Variants in RHOT2 observed in about 807,000 individuals in gnomAD.
RHOT2 encodes ras homolog family member T2.
RHOT2 carries 90 observed loss-of-function variants against 81.6 expected under a neutral mutation model. The ratio of observed to expected loss-of-function variants is 1.10; its 90% CI spans 0.93 to 1.31. RHOT2 has a LOEUF of 1.31. RHOT2 is among the 40% of genes most tolerant of loss of function. RHOT2 has a pLI of 0.00. For missense variants in RHOT2, 1,014 were observed against 841.9 expected (o/e 1.20, Z -2.53); for synonymous variants, 512 against 370.9 (o/e 1.38, Z -4.37).
chr16:672,374 G>A lies in RHOT2; in HGVS notation c.1316G>A (p.Arg439His), dbSNP rs146501820. Residue 439 changes from arginine to histidine, a missense_variant, in exon 15 of 19, where the codon CGC (arginine) becomes CAC (histidine). Transcript: ENST00000315082. Reference protein sequence around the residue: ...KSAFLQAFLGRGLGHQDTREQ... With the variant: ...KSAFLQAFLGHGLGHQDTREQ... ...GCCTTCCTGCAGGCCTTTCTCGGCCGCGGCCTGGGGGTAAGCACCCTAGAC... is the reference window on the plus strand; with the variant it reads ...GCCTTCCTGCAGGCCTTTCTCGGCCACGGCCTGGGGGTAAGCACCCTAGAC... 3.7e-5 allele frequency: 60 copies of A among 1,609,966 alleles called. No homozygotes were observed. Among genetic ancestry groups the A allele is most frequent in the South Asian group, 5.5e-5 (5 of 90,788 alleles).
rs1045729 is a variant in RHOT2, at chr16:673,838, C to T, written c.*232C>T. On this transcript the variant is annotated 3_prime_UTR_variant, in exon 19 of 19. Coordinates refer to ENST00000315082, the MANE Select transcript of RHOT2 (RefSeq NM_138769.3). The stretch of plus-strand genomic sequence containing the variant: ...GCCGTGGCAGGTGGCTGAGCAGGAG[C>T]TCCCAAGTGCCGGCCACCGCTGTCA... The T allele has an allele frequency of 1.6e-6, 1 of 624,920 alleles. No individual in the cohort carries two copies. Among genetic ancestry groups the T allele is most frequent in the Non-Finnish European group, 2.8e-6 (1 of 352,128 alleles). 38.7% of individuals were successfully genotyped at this position (624,920 alleles called of 1,614,324 possible). A position where few individuals can be genotyped will look rare whatever the true frequency, so the allele number is the denominator to read the frequency against.
chr16:671,268 C>G, intron 11 of RHOT2, 65 bp downstream of exon 11: 1 of 1,505,916 alleles, frequency 6.6e-7, no homozygotes, highest in Non-Finnish European at 8.9e-7. Context: ...CCGACTATCT[C>G]TCCCCTCCAT....
chr16:671,810 G>GGCCCCGCCCCC, intron 12 of RHOT2, 29 bp downstream of exon 12: 4 of 1,586,180 alleles, frequency 2.5e-6, no homozygotes, highest in Non-Finnish European at 2.6e-6. Flanking sequence ...CCCTGCCCCT[G>GGCCCCGCCCCC]CCCCCGCCCC....
chr16:669,723 G>C, intron 5 of RHOT2, 117 bp downstream of exon 5: 3 of 1,064,952 alleles, frequency 2.8e-6, no homozygotes, highest in Non-Finnish European at 4.2e-6. Flanking sequence ...GGAGCCTGAC[G>C]TGGAGTTGCC....
chr16:672,019 C>G lies in RHOT2; in HGVS notation c.1097+17C>G, dbSNP rs754096322. 2 of 1,611,736 alleles carry G rather than the reference C, an allele frequency of 1.2e-6. No homozygotes were observed. Among genetic ancestry groups the G allele is most frequent in the East Asian group, 2.2e-5 (1 of 44,870 alleles). On this transcript the variant is annotated intron_variant, in intron 13 of 18. Coordinates refer to ENST00000315082, the MANE Select transcript of RHOT2 (RefSeq NM_138769.3). Reference sequence around the variant, plus strand: ...CCAGTGGACGTAAGTGCGGCCCACACCATGCCCGCCTGCCGCACCACCCTC... The same window carrying G: ...CCAGTGGACGTAAGTGCGGCCCACAGCATGCCCGCCTGCCGCACCACCCTC...
intron 17 of RHOT2, 42 bp downstream of exon 17, chr16:672,867 GTCCC>G: frequency 6.2e-7 from 1 of 1,612,508 alleles, no homozygotes. Flanking sequence ...GGCAGGGTCT[GTCCC>G]TCCAGCTGTG....
Position 668,685 on chromosome 16 carries a change from G to C in RHOT2, c.208G>C (p.Glu70Gln), listed in dbSNP as rs1223108422. 2 of 1,604,022 alleles carry C rather than the reference G, an allele frequency of 1.2e-6. No homozygotes were observed. Among genetic ancestry groups the C allele is most frequent in the South Asian group, 2.2e-5 (2 of 89,760 alleles). Reference sequence around the variant, plus strand: ...CGAGCAGACGGACGAGGAGCTGCGGGAGGAGATCCACAAGGTACCCGTGGT... The same window carrying C: ...CGAGCAGACGGACGAGGAGCTGCGGCAGGAGATCCACAAGGTACCCGTGGT... ...EAEQTDEELR[E>Q]EIHKANVVCV... The change falls in exon 4 of 19, where the codon GAG becomes CAG. Residue 70 changes from glutamate (E) to glutamine (Q), a missense_variant. By Grantham distance (29) the Glu-to-Gln change is conservative. Coordinates refer to ENST00000315082, the MANE Select transcript of RHOT2 (RefSeq NM_138769.3).
In RHOT2 at chr16:670,182, A is replaced by G; in HGVS notation, c.329+7A>G. ...GGACCACGCAGGGGCCCAGGTAATG[A>G]GGGGATGTGGAAGGGGCTGGGACCC... On this transcript the variant is annotated splice_region_variant and intron_variant, in intron 6 of 18. Transcript: ENST00000315082. 6.2e-7 allele frequency: 1 copy of G among 1,606,638 alleles called. No homozygotes were observed. Among genetic ancestry groups the G allele is most frequent in the Non-Finnish European group, 8.5e-7 (1 of 1,177,004 alleles).
chr16:670,683 C>T lies in RHOT2; in HGVS notation c.549C>T (p.Pro183=), dbSNP rs58138191. ...AGCCAACATCCCCACAGTTGAGGCC[C>T]GCGTGCGCCCAGGCGCTGACGCGCA... ...LYDPEAKQLR[P]ACAQALTRIF... Residue 183 remains proline (P), a synonymous_variant, in exon 9 of 19, where the codon CCC becomes CCT. Transcript: ENST00000315082. The T allele has an allele frequency of 5.0e-3, 8,114 of 1,612,202 alleles. 347 individuals carry two copies. The African/African-American group carries it at 0.093, about 19-fold the overall frequency.
In RHOT2 at chr16:669,815, G is replaced by A. The variant is rs538424834; in HGVS notation, c.276+209G>A. 4.8e-4 allele frequency: 300 copies of A among 623,754 alleles called. 9 individuals are homozygous for A. The highest frequency in any genetic ancestry group is 3.9e-3 in the South Asian group (203 of 52,698). 38.6% of individuals were successfully genotyped at this position (623,754 alleles called of 1,614,324 possible). A position where few individuals can be genotyped will look rare whatever the true frequency, so the allele number is the denominator to read the frequency against. ...GGCGTCCCGCAGTCTGAGCCATTGA[G>A]GCCGGCAGTCCTCTTTCTTCCCCAG... On this transcript the variant is annotated intron_variant, in intron 5 of 18. Coordinates refer to ENST00000315082, the MANE Select transcript of RHOT2 (RefSeq NM_138769.3).
Position 672,362 on chromosome 16 carries a change from C to A in RHOT2, c.1304C>A (p.Ala435Asp). ...RGVGKSAFLQ[A>D]FLGRGLGHQD... ...GTGGGCAAGTCTGCCTTCCTGCAGG[C>A]CTTTCTCGGCCGCGGCCTGGGGGTA... The change falls in exon 15 of 19, where the codon GCC (alanine) becomes GAC (aspartate). Residue 435 changes from alanine (A) to aspartate (D), a missense_variant. Ala to Asp is a moderately radical substitution (Grantham distance 126). Transcript: ENST00000315082. 6.2e-7 allele frequency: 1 copy of A among 1,610,896 alleles called. No individual in the cohort carries two copies. Among genetic ancestry groups the A allele is most frequent in the Non-Finnish European group, 8.5e-7 (1 of 1,178,852 alleles).
chr16:670,744 C>G lies in RHOT2; in HGVS notation c.610C>G (p.Leu204Val). 1 of 1,612,396 alleles carries G rather than the reference C, an allele frequency of 6.2e-7. No individual in the cohort carries two copies. Among genetic ancestry groups the G allele is most frequent in the Non-Finnish European group, 8.5e-7 (1 of 1,179,946 alleles). Residue 204 changes from leucine to valine, a missense_variant, in exon 9 of 19, where the codon CTC (leucine) becomes GTC (valine). By Grantham distance (32) the Leu-to-Val change is conservative. Transcript: ENST00000315082. ...CTCAGATCAGGACCTGGACCAGGCG[C>G]TCAGTGACGAAGAGCTCAACGCTTT... ...RLSDQDLDQA[L>V]SDEELNAFQK...
Position 672,738 on chromosome 16 carries a change from A to G in RHOT2, c.1440A>G (p.Thr480=), listed in dbSNP as rs766050598. 1.7e-5 allele frequency: 28 copies of G among 1,612,546 alleles called. No individual in the cohort carries two copies. The highest frequency in any genetic ancestry group is 2.3e-5 in the Non-Finnish European group (27 of 1,179,978). The part of the protein sequence containing the change: ...CEVGTDGLLA[T]SLDATCDVAC... ...TGGGCACAGATGGTCTGCTGGCCACATCGCTGGACGCCACCTGTGACGTTG... is the reference window on the plus strand; with the variant it reads ...TGGGCACAGATGGTCTGCTGGCCACGTCGCTGGACGCCACCTGTGACGTTG... Residue 480 remains threonine, a synonymous_variant, in exon 17 of 19, where the codon ACA becomes ACG. Coordinates refer to ENST00000315082, the MANE Select transcript of RHOT2 (RefSeq NM_138769.3).
intron 11 of RHOT2, 40 bp from the exon 12 acceptor site, chr16:671,655 CAG>C (rs1567249725): frequency 3.8e-6 from 6 of 1,586,662 alleles, no homozygotes; most frequent in Admixed American, 1.7e-5. Context: ...CGTGGTGCTG[CAG>C]AGTCTCCTGG....
At chr16:671,271 C>G (rs948398232) in intron 11 of RHOT2, 68 bp downstream of exon 11, 1 of 1,504,536 alleles carries the variant, frequency 6.6e-7, no homozygotes, top group Non-Finnish European at 8.9e-7. Context: ...ACTATCTCTC[C>G]CCTCCATGAG....
Position 670,818 on chromosome 16 carries a change from C to T in RHOT2, c.639+45C>T, listed in dbSNP as rs534579116. On this transcript the variant is annotated intron_variant, in intron 9 of 18. Transcript: ENST00000315082. ...TCGGTGCCCAGCCCCCTTGAACCTCCGCTGCCGTTAGTGACTGGAACGGGT... is the reference window on the plus strand; with the variant it reads ...TCGGTGCCCAGCCCCCTTGAACCTCTGCTGCCGTTAGTGACTGGAACGGGT... 8.0e-5 allele frequency: 129 copies of T among 1,605,152 alleles called. 1 individual carries two copies. The South Asian group carries it at 9.2e-4, about 11-fold the overall frequency.
rs190621848 is a variant in RHOT2 at position 669,689 on chromosome 16, G to T, written c.276+83G>T. 1.8e-5 allele frequency: 25 copies of T among 1,391,610 alleles called. No homozygotes were observed. In the Admixed American group the frequency reaches 4.3e-4, roughly 24 times the overall value. The allele number at this position is 1,391,610 out of a possible 1,614,324, so 86.2% of individuals were successfully genotyped here. The stretch of plus-strand genomic sequence containing the variant: ...TGGACCTTCACCCAACCCGTGGCCA[G>T]TGCCATCGCTCACAGCATTTTGGGG... On this transcript the variant is annotated intron_variant, in intron 5 of 18. Transcript: ENST00000315082.
rs367626329 is a variant in RHOT2, at chr16:671,950, G to C, written c.1045G>C (p.Val349Leu). 1.2e-6 allele frequency: 2 copies of C among 1,612,208 alleles called. No individual in the cohort carries two copies. Among genetic ancestry groups the C allele is most frequent in the African/African-American group, 2.7e-5 (2 of 74,906 alleles). The change falls in exon 13 of 19, where the codon GTC becomes CTC. Residue 349 changes from valine (V) to leucine (L), a missense_variant. By Grantham distance (32) the Val-to-Leu change is conservative. Transcript: ENST00000315082. ...CTGGGGCCCCGAGCTCCCACGCACA[G>C]TCCGCACAGAGGCCGGCCGGTTGCC... Reference protein sequence around the residue: ...APWGPELPRTVRTEAGRLPLH... With the variant: ...APWGPELPRTLRTEAGRLPLH...
Position 669,626 on chromosome 16 carries a change from C to G in RHOT2, c.276+20C>G, listed in dbSNP as rs772518690. 1.2e-6 allele frequency: 2 copies of G among 1,610,306 alleles called. No homozygotes were observed. The highest frequency in any genetic ancestry group is 3.3e-5 in the Admixed American group (2 of 60,006). On this transcript the variant is annotated intron_variant, in intron 5 of 18. Coordinates refer to ENST00000315082, the MANE Select transcript of RHOT2 (RefSeq NM_138769.3). ...GAGAAGGTGAGCCCTCAGTGCAGAC[C>G]CCAACAGCAGAGACACAGTGGCCGG...
Sources: allele counts gnomAD v4.1 joint callset, GRCh38; gene constraint gnomAD v4.1.1; transcripts MANE v1.5; gene names NCBI Gene and HGNC (gene_info 2026-07-23, HGNC 2026-07-21).